CCDC32: variants seen among roughly 807,000 people sequenced by gnomAD.
The protein encoded by CCDC32 is coiled-coil domain-containing protein 32.
A neutral mutation model predicts 20.1 loss-of-function variants in CCDC32; 9 were observed. The ratio of observed to expected loss-of-function variants is 0.45; its 90% confidence interval spans 0.27 to 0.78. The LOEUF is 0.78. Ranked by LOEUF, CCDC32 falls within the 30% of genes least tolerant of loss-of-function variation. The pLI, the probability that CCDC32 is intolerant of heterozygous loss-of-function variation, is 0.16. For synonymous variants in CCDC32, 63 were observed against 79.0 expected (o/e 0.80, Z 1.07); for missense variants, 204 against 215.5 (o/e 0.95, Z 0.33).
At chr15:40,525,975 C>T (rs1478388897), downstream of CCDC32, among the ~76,000 whole-genome samples, 5 of 151,246 alleles carry the variant, frequency 3.3e-5, no homozygotes, top group African/African-American at 1.2e-4. Flanking sequence ...ACCTGCAAGT[C>T]ACCGTGGATG....
At chr15:40,559,100 C>T (rs1461410870) in intron 2 of CCDC32, among the ~76,000 whole-genome samples, 2 of 145,876 alleles carry the variant, frequency 1.4e-5, no homozygotes, top group Admixed American at 6.8e-5. Flanking sequence ...TCCTCTCTCT[C>T]TTTCTCAACA....
At chr15:40,526,993 G>A (rs192396009), downstream of CCDC32, among the ~76,000 whole-genome samples, 35 of 152,184 alleles carry the variant, frequency 2.3e-4, 1 homozygote, top group African/African-American at 7.7e-4. Context: ...GCAGTACACC[G>A]ATACAGGAGT....
downstream of CCDC32, chr15:40,532,230 A>G (rs569051842): frequency 2.3e-5 from 16 of 701,888 alleles, no homozygotes; most frequent in African/African-American, 1.9e-4. Context: ...TGGAATGTCT[A>G]TAGAAGGATG....
At chr15:40,539,223 C>T (rs774467498), downstream of CCDC32, 3 of 1,533,590 alleles carry the variant, frequency 2.0e-6, no homozygotes, top group South Asian at 1.2e-5. Flanking sequence ...CCTGCCTGGC[C>T]CGCCCTGGCT....
rs577340350 is a variant in CCDC32 at position 40,543,309 on chromosome 15, T to C, written c.402-3954A>G. ...CATGTTTTCCCCTAAAAACTTGTTATACAAAGGATACTTTCTGGAGGGCGG... is the reference window on the plus strand; with the variant it reads ...CATGTTTTCCCCTAAAAACTTGTTACACAAAGGATACTTTCTGGAGGGCGG... On this transcript the variant is annotated intron_variant, in intron 3 of 3. Coordinates refer to the CCDC32 transcript ENST00000558113. 3.3e-5 allele frequency among the ~76,000 whole-genome samples: 5 copies of C among 152,324 alleles called. No homozygotes were observed. In the South Asian group the frequency reaches 1.0e-3, roughly 32 times the overall value.
Position 40,553,882 on chromosome 15 carries a change from C to G in CCDC32, c.*89G>C. ...GTCACTGAGCTCCACGCTGCTCGCT[C>G]TGGACCCGAGACAGCTGCTCGGCGT... On this transcript the variant is annotated 3_prime_UTR_variant, in exon 4 of 4. Transcript: ENST00000416810. The G allele has an allele frequency of 6.9e-7, 1 of 1,443,452 alleles. No homozygotes were observed. Among genetic ancestry groups the G allele is most frequent in the Admixed American group, 2.1e-5 (1 of 48,164 alleles). The allele number at this position is 1,443,452 out of a possible 1,614,324, so 89.4% of individuals were successfully genotyped here. A position where few individuals can be genotyped will look rare whatever the true frequency, so the allele number is the denominator to read the frequency against.
At chr15:40,554,914 A>G (rs187717990) in intron 3 of CCDC32, among the ~76,000 whole-genome samples, 7 of 152,354 alleles carry the variant, frequency 4.6e-5, no homozygotes, top group East Asian at 3.9e-4. Context: ...AAAGAATACC[A>G]TAACAGCAGA....
At chr15:40,546,501 C>T (rs576943980) in intron 3 of CCDC32, among the ~76,000 whole-genome samples, 1 of 151,764 alleles carries the variant, frequency 6.6e-6, no homozygotes, top group Admixed American at 6.6e-5. Context: ...ATTTCACTTT[C>T]TCTTAGTTTC....
At chr15:40,524,739 CTTTTTTTTTTTTTT>C (rs758786719), downstream of CCDC32, among the ~76,000 whole-genome samples, 56,562 of 97,452 alleles carry the variant, frequency 0.58, 14,285 homozygotes, top group East Asian at 0.77. Flanking sequence ...CTTTTTCTTT[CTTTTTTTTTTTTTT>C]TTTTTTTTTT....
chr15:40,560,433 C>T lies in CCDC32; in HGVS notation c.244+2339G>A, dbSNP rs558807731. Among the ~76,000 whole-genome samples the T allele has an allele frequency of 6.6e-5, 10 of 152,218 alleles. No individual in the cohort carries two copies. The East Asian group carries it at 1.9e-3, about 29-fold the overall frequency. ...GAAATAATCAGAGTAAACAGACAAC[C>T]CATGGAATGGGAGAAAGTATTTGCA... is the stretch of plus-strand genomic sequence containing the variant. On this transcript the variant is annotated intron_variant, in intron 2 of 3. Coordinates refer to ENST00000416810, the MANE Select transcript of CCDC32 (RefSeq NM_001080792.4).
downstream of CCDC32, among the ~76,000 whole-genome samples, chr15:40,530,461 C>T (rs893641888): frequency 7.3e-5 from 11 of 149,942 alleles, no homozygotes; most frequent in African/African-American, 2.4e-4. Flanking sequence ...GAGCCTGGCA[C>T]CTCCTCTCTC....
chr15:40,525,943 CTT>C (rs905791924), downstream of CCDC32, among the ~76,000 whole-genome samples: 1 of 146,582 alleles, frequency 6.8e-6, no homozygotes, highest in Non-Finnish European at 1.5e-5. Flanking sequence ...TGTCCTTGGC[CTT>C]TTTTTTTTTT....
chr15:40,553,664 G>T lies in CCDC32; in HGVS notation c.*307C>A. ...TTGATCTTTAGCAGACTTCTAACCT[G>T]CAGAGACAGAGCTCAGCCAAGCTGT... On this transcript the variant is annotated 3_prime_UTR_variant, in exon 4 of 4. Transcript: ENST00000416810. 8.7e-7 allele frequency: 1 copy of T among 1,151,418 alleles called. No homozygotes were observed. Among genetic ancestry groups the T allele is most frequent in the East Asian group, 5.5e-5 (1 of 18,138 alleles). 71.3% of individuals were successfully genotyped at this position (1,151,418 alleles called of 1,614,324 possible).
Position 40,539,658 on chromosome 15 carries a change from C to T in CCDC32, c.402-303G>A, listed in dbSNP as rs571157979. Among the ~76,000 whole-genome samples, 13 of 152,274 alleles carry T rather than the reference C, an allele frequency of 8.5e-5. No homozygotes were observed. In the South Asian group the frequency reaches 1.0e-3, roughly 12 times the overall value. On this transcript the variant is annotated intron_variant, in intron 3 of 3. Transcript: ENST00000558113. Reference sequence around the variant, plus strand: ...GCAGAGACCAAGGCAGTCAGCTCTCCGCTGCCCCTGCTCCCATCCCAGGAA... The same window carrying T: ...GCAGAGACCAAGGCAGTCAGCTCTCTGCTGCCCCTGCTCCCATCCCAGGAA...
At chr15:40,547,077 C>G (rs1447007845) in intron 3 of CCDC32, among the ~76,000 whole-genome samples, 1 of 151,846 alleles carries the variant, frequency 6.6e-6, no homozygotes, top group Non-Finnish European at 1.5e-5. Context: ...GTATCTGTAT[C>G]TGGGAGTGGG....
intron 2 of CCDC32, among the ~76,000 whole-genome samples, chr15:40,558,542 CTCTTTTGGGCCGGAAAAGG>C (rs1890404024): frequency 6.6e-6 from 1 of 151,992 alleles, no homozygotes; most frequent in African/African-American, 2.4e-5. Flanking sequence ...GTGGAAGGTA[CTCTTTTGGGCCGGAAAAGG>C]TCTTCCTCTC....
chr15:40,532,669 T>A (rs1888924420), downstream of CCDC32, among the ~76,000 whole-genome samples: 1 of 151,920 alleles, frequency 6.6e-6, no homozygotes, highest in Non-Finnish European at 1.5e-5. Flanking sequence ...AATTATAATT[T>A]TAATGATTTA....
intron 3 of CCDC32, among the ~76,000 whole-genome samples, chr15:40,544,766 A>G (rs1889545158): frequency 6.6e-6 from 1 of 152,038 alleles, no homozygotes; most frequent in Admixed American, 6.6e-5. Flanking sequence ...AAAACTTTCC[A>G]GAGTCTGGCT....
At chr15:40,543,455 T>C (rs7181909) in intron 3 of CCDC32, among the ~76,000 whole-genome samples, 52,729 of 151,950 alleles carry the variant, frequency 0.35, 9,286 homozygotes, top group Middle Eastern at 0.4. Flanking sequence ...TTTTTGTTGT[T>C]GTTGTTGTTG....
Sources: gnomAD v4.1 joint callset for allele counts (sites outside exome capture counted in the v4.1 genomes callset) on GRCh38, gnomAD v4.1.1 for gene constraint, MANE v1.5 for transcripts, NCBI Gene and HGNC (gene_info 2026-07-23, HGNC 2026-07-21) for gene names.